CADM1: variants seen among roughly 807,000 people sequenced by gnomAD.
The protein encoded by CADM1 is TSLC-1.
Under a neutral mutation model 53.1 loss-of-function variants are expected in CADM1, and 15 were observed. That is an observed-to-expected ratio of 0.28 (90% CI 0.19 to 0.44). The LOEUF is 0.44. Among genes scored for constraint, CADM1 ranks in the 20% least tolerant of loss-of-function variants. The probability of loss-of-function intolerance (pLI) is 1.00; values close to 1 mark genes in which losing one functional copy is unlikely to be tolerated. For missense variants in CADM1, 434 were observed against 611.3 expected, an observed-to-expected ratio of 0.71 and a Z score of 3.06; for synonymous variants, 281 against 243.0, an observed-to-expected ratio of 1.16 and a Z score of -1.45.
chr11:115,264,191 C>A (rs1943061298), intron 1 of CADM1, among the ~76,000 whole-genome samples: 1 of 152,088 alleles, frequency 6.6e-6, no homozygotes, highest in Non-Finnish European at 1.5e-5. Flanking sequence ...ACATTAAGAC[C>A]AAGGACACTC....
rs77266721 is a variant in CADM1, at chr11:115,489,833, C to G, written c.124+14438G>C. Among the ~76,000 whole-genome samples the G allele has an allele frequency of 2.5e-3, 378 of 152,228 alleles. 2 individuals carry two copies. Among genetic ancestry groups the G allele is most frequent in the African/African-American group, 8.7e-3 (362 of 41,526 alleles). ...GGAAGTTTCCTTTCAGAATGCAGTG[C>G]TTGAGGTGAATCTTGAGAGAGATGT... On this transcript the variant is annotated intron_variant, in intron 1 of 11. Coordinates refer to ENST00000331581, the MANE Select transcript of CADM1 (RefSeq NM_001301043.2).
chr11:115,413,015 ACATTTAAAAGTAC>A (rs2135249829), intron 1 of CADM1, among the ~76,000 whole-genome samples: 1 of 152,346 alleles, frequency 6.6e-6, no homozygotes, highest in Admixed American at 6.5e-5. Flanking sequence ...ATGAGAAAAG[ACATTTAAAAGTAC>A]CATTTCATTC....
At chr11:115,231,156 G>A (rs1941799253) in intron 4 of CADM1, among the ~76,000 whole-genome samples, 197 bp downstream of exon 4, 1 of 152,198 alleles carries the variant, frequency 6.6e-6, no homozygotes, top group South Asian at 2.1e-4. Flanking sequence ...CCCTCAAACA[G>A]CAGAATGAGG....
At chr11:115,376,772 C>T (rs1946448805) in intron 1 of CADM1, among the ~76,000 whole-genome samples, 1 of 152,094 alleles carries the variant, frequency 6.6e-6, no homozygotes, top group Non-Finnish European at 1.5e-5. Flanking sequence ...TACCACTTAC[C>T]TGAGTACAAA....
In CADM1 at chr11:115,238,551, G is replaced by A. The variant is rs1372277228; in HGVS notation, c.373C>T (p.Gln125Ter). The A allele has an allele frequency of 6.2e-7, 1 of 1,613,752 alleles. No individual in the cohort carries two copies. The highest frequency in any genetic ancestry group is 8.5e-7 in the Non-Finnish European group (1 of 1,179,854). ...SISDEGRYFC[Q>*]LYTDPPQESY... ...TCCTGTGGGGGATCGGTATAGAGCT[G>A]GCAAAAGTATCTTCCTTCATCAGAA... The change falls in exon 3 of 12, where the codon CAG (glutamine) becomes TAG (stop). Residue 125 changes from glutamine (Q) to a stop codon, truncating the protein, a stop_gained. Coordinates refer to ENST00000331581, the MANE Select transcript of CADM1 (RefSeq NM_001301043.2). LOFTEE classifies it high-confidence loss of function.
chr11:115,258,863 C>A (rs1942875354), intron 1 of CADM1, among the ~76,000 whole-genome samples: 1 of 152,062 alleles, frequency 6.6e-6, no homozygotes, highest in African/African-American at 2.4e-5. Context: ...AGATAAGAAG[C>A]ACAATCATTT....
At chr11:115,229,058 A>T in intron 5 of CADM1, 55 bp downstream of exon 5, 2 of 1,556,934 alleles carry the variant, frequency 1.3e-6, no homozygotes, top group Non-Finnish European at 8.9e-7. Context: ...GCTTCTGAAG[A>T]GTTTCTATGT....
At chr11:115,420,933 C>G (rs538331716) in intron 1 of CADM1, among the ~76,000 whole-genome samples, 1 of 152,276 alleles carries the variant, frequency 6.6e-6, no homozygotes, top group South Asian at 2.1e-4. Flanking sequence ...ATACACTTAC[C>G]AGTTAATTCC....
At chr11:115,382,146 T>C (rs1946595473) in intron 1 of CADM1, among the ~76,000 whole-genome samples, 1 of 152,110 alleles carries the variant, frequency 6.6e-6, no homozygotes, top group South Asian at 2.1e-4. Context: ...TGTGTGGCAA[T>C]AATTAGGATT....
intron 1 of CADM1, among the ~76,000 whole-genome samples, chr11:115,280,877 T>C (rs1943566947): frequency 6.6e-6 from 1 of 152,250 alleles, no homozygotes; most frequent in South Asian, 2.1e-4. Context: ...CGAGGAATTC[T>C]ACCATGAGAA....
At chr11:115,453,506 T>C (rs1701077539) in intron 1 of CADM1, among the ~76,000 whole-genome samples, 1 of 152,134 alleles carries the variant, frequency 6.6e-6, no homozygotes, top group South Asian at 2.1e-4. Flanking sequence ...GTTGTCATTG[T>C]TTTTGTTTTT....
At chr11:115,458,117 G>GTCTCTC (rs4019424) in intron 1 of CADM1, among the ~76,000 whole-genome samples, 3 of 149,264 alleles carry the variant, frequency 2.0e-5, no homozygotes, top group Non-Finnish European at 4.5e-5. Context: ...GGATACTAAA[G>GTCTCTC]TCTCTCTCTC....
intron 8 of CADM1, among the ~76,000 whole-genome samples, chr11:115,206,572 G>A (rs977655069): frequency 6.6e-6 from 1 of 152,028 alleles, no homozygotes; most frequent in African/African-American, 2.4e-5. Context: ...TCCTGGTTAC[G>A]GAAGATAAAA....
intron 1 of CADM1, among the ~76,000 whole-genome samples, chr11:115,286,372 G>C (rs1455877755): frequency 6.6e-6 from 1 of 151,946 alleles, no homozygotes; most frequent in Admixed American, 6.6e-5. Flanking sequence ...AGAACCAAAG[G>C]AAATTTCATT....
At chr11:115,453,751 G>A (rs1422613290) in intron 1 of CADM1, among the ~76,000 whole-genome samples, 4 of 152,018 alleles carry the variant, frequency 2.6e-5, no homozygotes, top group Admixed American at 2.0e-4. Flanking sequence ...TGCCCACCTC[G>A]CCCTCCCAAA....
chr11:115,447,685 G>A (rs930538813), intron 1 of CADM1, among the ~76,000 whole-genome samples: 1 of 152,154 alleles, frequency 6.6e-6, no homozygotes, highest in African/African-American at 2.4e-5. Context: ...AGAGCAGCCA[G>A]GAGCAAACGG....
intron 1 of CADM1, among the ~76,000 whole-genome samples, chr11:115,311,526 A>G (rs572976099): frequency 1.3e-5 from 2 of 152,236 alleles, no homozygotes; most frequent in African/African-American, 2.4e-5. Flanking sequence ...CGTAAATACT[A>G]TATTTGCCAT....
At chr11:115,231,306 T>C (rs528890135) in intron 4 of CADM1, 47 bp downstream of exon 4, 5 of 1,606,634 alleles carry the variant, frequency 3.1e-6, no homozygotes, top group Admixed American at 3.3e-5. Flanking sequence ...AAGGCATATC[T>C]GCTAGAATCA....
rs1355206127 is a variant in CADM1, at chr11:115,173,744, CATATGG to C, written c.*2724_*2729del. 37 of 953,048 alleles carry C rather than the reference CATATGG, an allele frequency of 3.9e-5. No individual in the cohort carries two copies. In the African/African-American group the frequency reaches 6.1e-4, roughly 16 times the overall value. 59.0% of individuals were successfully genotyped at this position (953,048 alleles called of 1,614,324 possible). On this transcript the variant is annotated 3_prime_UTR_variant, in exon 12 of 12. Transcript: ENST00000331581. ...AACCAATACAAAATGCGAATGGGAA[CATATGG>C]ATATGGAGTTTCTTACACTGTAACA...
Sources: allele counts gnomAD v4.1 joint callset (sites outside exome capture counted in the v4.1 genomes callset), GRCh38; gene constraint gnomAD v4.1.1; transcripts MANE v1.5; gene names NCBI Gene and HGNC (gene_info 2026-07-23, HGNC 2026-07-21).